IDE: variants seen among roughly 807,000 people sequenced by gnomAD.
The protein encoded by IDE is insulin-degrading enzyme.
Under a neutral mutation model 133.2 loss-of-function variants are expected in IDE, and 58 were observed. That is an observed-to-expected ratio of 0.44 (90% CI 0.35 to 0.54). The LOEUF is 0.54. Ranked by LOEUF, IDE falls within the 20% of genes least tolerant of loss-of-function variation. IDE has a pLI of 0.00. For missense variants in IDE, 981 were observed against 1,234.0 expected (o/e 0.79, Z 3.07); for synonymous variants, 396 against 421.3 (o/e 0.94, Z 0.73).
intron 13 of IDE, among the ~76,000 whole-genome samples, chr10:92,485,846 G>A (rs946836125): frequency 5.3e-5 from 8 of 152,086 alleles, no homozygotes; most frequent in African/African-American, 1.9e-4. Context: ...GGAGGCTGAG[G>A]CCAGAAGATG....
chr10:92,468,172 G>T (rs965184748), intron 19 of IDE, among the ~76,000 whole-genome samples: 1 of 152,060 alleles, frequency 6.6e-6, no homozygotes, highest in African/African-American at 2.4e-5. Flanking sequence ...GAAGAAGAAG[G>T]GGGAAAGGAG....
rs570679160 is a variant in IDE at position 92,565,452 on chromosome 10, TTCTTTTCTCAAGAC to T, written c.98+8456_98+8469del. On this transcript the variant is annotated intron_variant, in intron 1 of 24. Transcript: ENST00000265986. ...AAAAGAAAGAAAGAAATGGTATTTG[TTCTTTTCTCAAGAC>T]CCTATTCTCCCCAAAATCTCTTTGG... Among the ~76,000 whole-genome samples the T allele has an allele frequency of 3.3e-3, 495 of 151,776 alleles. 1 individual carries two copies. The highest frequency in any genetic ancestry group is 0.012 in the African/African-American group (481 of 41,422).
intron 1 of IDE, among the ~76,000 whole-genome samples, chr10:92,542,536 C>G (rs1842357708): frequency 6.6e-6 from 1 of 152,174 alleles, no homozygotes; most frequent in African/African-American, 2.4e-5. Context: ...AAGAGACTGC[C>G]GCCTTGGCCT....
At position 92,465,833 on chromosome 10, in the gene IDE, A is replaced by C; in HGVS notation, c.2331T>G (p.Phe777Leu). ...GAACTTCATTTCTCTGCTGATAAAC[A>C]AACCATCCTCCTAGGAAGTTTCAAA... The part of the protein sequence containing the change: ...REVQLPDRGW[F>L]VYQQRNEVHN... The change falls in exon 20 of 25, where the codon TTT becomes TTG. Residue 777 changes from phenylalanine to leucine, a missense_variant. This residue lies in a region of IDE where 660 missense variants were observed against 894.7 expected (regional missense o/e 0.74). Coordinates refer to ENST00000265986, the MANE Select transcript of IDE (RefSeq NM_004969.4). 6.2e-7 allele frequency: 1 copy of C among 1,614,086 alleles called. No homozygotes were observed.
At chr10:92,545,704 G>A (rs1017389329) in intron 1 of IDE, among the ~76,000 whole-genome samples, 1 of 152,172 alleles carries the variant, frequency 6.6e-6, no homozygotes, top group African/African-American at 2.4e-5. Context: ...AAAGTCCCAG[G>A]AGGTCCCAAA....
At chr10:92,456,844 C>CAAAAAAAAAAAAAAAAAA (rs57422406) in intron 22 of IDE, among the ~76,000 whole-genome samples, 18 of 52,182 alleles carry the variant, frequency 3.4e-4, no homozygotes, top group Non-Finnish European at 4.6e-4. Context: ...GACTCTGTCT[C>CAAAAAAAAAAAAAAAAAA]AAAAAAAAAA....
intron 15 of IDE, among the ~76,000 whole-genome samples, 156 bp from the exon 16 acceptor site, chr10:92,476,150 C>G (rs1002627950): frequency 5.9e-5 from 9 of 151,304 alleles, no homozygotes; most frequent in African/African-American, 2.2e-4. Flanking sequence ...TATAGTGTAA[C>G]ACTTAGGAAG....
At chr10:92,558,433 G>C (rs1473513345) in intron 1 of IDE, among the ~76,000 whole-genome samples, 3 of 152,120 alleles carry the variant, frequency 2.0e-5, no homozygotes, top group African/African-American at 7.2e-5. Context: ...GACATCAAAA[G>C]CACAACCAGT....
intron 22 of IDE, among the ~76,000 whole-genome samples, chr10:92,456,899 C>T (rs1263266801): frequency 6.7e-6 from 1 of 150,072 alleles, no homozygotes; most frequent in East Asian, 2.0e-4. Flanking sequence ...AAGATACTTC[C>T]CTTTCTTTCC....
intron 4 of IDE, among the ~76,000 whole-genome samples, chr10:92,517,056 T>C (rs1233576100): frequency 6.6e-6 from 1 of 152,242 alleles, no homozygotes; most frequent in Non-Finnish European, 1.5e-5. Flanking sequence ...ATCCTGTCTT[T>C]CTTCTGCAGA....
intron 1 of IDE, among the ~76,000 whole-genome samples, chr10:92,552,857 C>CAAAAAAAAAAAAAAAAAAAAAAAAAAAAA (rs71028827): frequency 4.7e-4 from 23 of 49,384 alleles, no homozygotes; most frequent in African/African-American, 1.9e-3. Context: ...GACTCAGTCT[C>CAAAAAAAAAAAAAAAAAAAAAAAAAAAAA]AAAAAAAAAA....
chr10:92,518,865 C>A lies in IDE; in HGVS notation c.662-3823G>T, dbSNP rs374389966. On this transcript the variant is annotated intron_variant, in intron 4 of 24. Coordinates refer to ENST00000265986, the MANE Select transcript of IDE (RefSeq NM_004969.4). ...AAACTATAAACACGGAAATGATAAT[C>A]ATTAAAGAAGATAGTGGTTATCTCT... Among the ~76,000 whole-genome samples, 2 of 152,018 alleles carry A rather than the reference C, an allele frequency of 1.3e-5. 1 individual carries two copies. Among genetic ancestry groups the A allele is most frequent in the East Asian group, 3.8e-4 (2 of 5,202 alleles).
intron 4 of IDE, among the ~76,000 whole-genome samples, chr10:92,517,712 C>T (rs111943582): frequency 0.034 from 5,168 of 152,200 alleles, 138 homozygotes; most frequent in Admixed American, 0.058. Flanking sequence ...CCTGTAATCC[C>T]AGCACTTTGG....
intron 4 of IDE, among the ~76,000 whole-genome samples, chr10:92,521,506 GA>G: frequency 6.6e-6 from 1 of 152,126 alleles, no homozygotes; most frequent in Middle Eastern, 3.4e-3. Flanking sequence ...AGGAAGAGAT[GA>G]AGGATGAACT....
intron 4 of IDE, among the ~76,000 whole-genome samples, chr10:92,517,717 C>T (rs1227298725): frequency 3.3e-5 from 5 of 152,132 alleles, no homozygotes; most frequent in African/African-American, 1.2e-4. Flanking sequence ...AATCCCAGCA[C>T]TTTGGGAGGC....
intron 11 of IDE, chr10:92,497,647 C>T (rs914205276): frequency 7.6e-5 from 55 of 722,136 alleles, no homozygotes; most frequent in African/African-American, 9.6e-5. Context: ...CTTGTCTCAG[C>T]GGGTATTAAA....
intron 1 of IDE, among the ~76,000 whole-genome samples, chr10:92,562,549 T>A (rs1311321398): frequency 6.6e-6 from 1 of 152,156 alleles, no homozygotes; most frequent in Non-Finnish European, 1.5e-5. Flanking sequence ...TTCAACTGGA[T>A]GGCAGTTTAA....
intron 12 of IDE, among the ~76,000 whole-genome samples, chr10:92,489,046 G>A (rs1001781873): frequency 1.2e-4 from 18 of 151,144 alleles, no homozygotes; most frequent in African/African-American, 3.6e-4. Context: ...AATAATTCTG[G>A]ATTTCTGGAT....
intron 4 of IDE, among the ~76,000 whole-genome samples, chr10:92,529,389 T>C: frequency 6.6e-6 from 1 of 152,222 alleles, no homozygotes; most frequent in South Asian, 2.1e-4. Flanking sequence ...ATTACTTATA[T>C]CACATTTTCT....
Sources: allele counts gnomAD v4.1 joint callset (sites outside exome capture counted in the v4.1 genomes callset), GRCh38; gene constraint gnomAD v4.1.1; regional missense constraint gnomAD v4.1.1; transcripts MANE v1.5; gene names NCBI Gene and HGNC (gene_info 2026-07-23, HGNC 2026-07-21).